Variants in SDHA observed in about 807,000 individuals in gnomAD.
The protein encoded by SDHA is succinate dehydrogenase complex flavoprotein subunit A, also known as succinate dehydrogenase [ubiquinone] flavoprotein subunit, mitochondrial.
In SDHA, 48 loss-of-function variants were observed where a neutral mutation model predicts 78.4. The observed-to-expected ratio is 0.61, with a 90% CI of 0.49 to 0.78. The LOEUF is 0.78. Ranked by LOEUF, SDHA falls within the 30% of genes least tolerant of loss-of-function variation. The pLI is 0.00. For synonymous variants in SDHA, 326 were observed against 353.9 expected (o/e 0.92, Z 0.88); for missense variants, 680 against 892.7 (o/e 0.76, Z 3.04).
chr5:247,488 C>T (rs1421922238), intron 11 of SDHA, among the ~76,000 whole-genome samples: 1 of 152,244 alleles, frequency 6.6e-6, no homozygotes. Flanking sequence ...TGCCTCTGGT[C>T]TCAAACGCAG....
Position 254,486 on chromosome 5 carries a change from G to A in SDHA, c.1888G>A (p.Val630Met). ...EHWRKHTLSY[V>M]DVGTGKVTLE... ...CTGGAGGAAGCACACCCTGTCCTATGTGGACGTTGGCACTGGGAAGGTCAG... is the reference window on the plus strand; with the variant it reads ...CTGGAGGAAGCACACCCTGTCCTATATGGACGTTGGCACTGGGAAGGTCAG... Residue 630 changes from valine (V) to methionine (M), a missense_variant, in exon 14 of 15, where the codon GTG becomes ATG. Physicochemically the swap from Val to Met is conservative, Grantham distance 21. Coordinates refer to ENST00000264932, the MANE Select transcript of SDHA (RefSeq NM_004168.4). The A allele has an allele frequency of 6.4e-7, 1 of 1,573,198 alleles. No homozygotes were observed. The highest frequency in any genetic ancestry group is 8.6e-7 in the Non-Finnish European group (1 of 1,159,624).
At position 251,627 on chromosome 5, in the gene SDHA, C is replaced by T. The variant is rs541235627; in HGVS notation, c.1794+159C>T. 4.0e-5 allele frequency: 61 copies of T among 1,536,514 alleles called. No individual in the cohort carries two copies. The South Asian group carries it at 4.3e-4, about 11-fold the overall frequency. On this transcript the variant is annotated intron_variant, in intron 13 of 14. Coordinates refer to ENST00000264932, the MANE Select transcript of SDHA (RefSeq NM_004168.4). Reference sequence around the variant, plus strand: ...CTGGTAACTTTGATCCCTGGGTTCTCGCCATCTTCTGGATCACTGTGACCT... The same window carrying T: ...CTGGTAACTTTGATCCCTGGGTTCTTGCCATCTTCTGGATCACTGTGACCT...
chr5:254,621 C>T, intron 14 of SDHA, 115 bp downstream of exon 14: 1 of 1,446,738 alleles, frequency 6.9e-7, no homozygotes, highest in Non-Finnish European at 9.3e-7. Context: ...TAAATCAACT[C>T]CCGACAGATT....
chr5:243,478 G>A (rs1007032588), intron 11 of SDHA, among the ~76,000 whole-genome samples: 17 of 152,136 alleles, frequency 1.1e-4, no homozygotes, highest in African/African-American at 3.4e-4. Flanking sequence ...TTTGGGGGTC[G>A]GCAGCTGGGC....
chr5:220,463 C>T (rs1318527412), intron 1 of SDHA: 12 of 214,628 alleles, frequency 5.6e-5, no homozygotes, highest in Non-Finnish European at 1.0e-4. Flanking sequence ...TTATTTAGGC[C>T]ATTATAGTAG....
At chr5:221,622 A>G (rs946826944) in intron 1 of SDHA, among the ~76,000 whole-genome samples, 2 of 145,490 alleles carry the variant, frequency 1.4e-5, no homozygotes, top group South Asian at 4.2e-4. Context: ...CCTTTTAGTT[A>G]TATGTTCCCC....
chr5:241,661 T>A (rs980391153), intron 11 of SDHA, among the ~76,000 whole-genome samples: 3 of 152,270 alleles, frequency 2.0e-5, no homozygotes, highest in African/African-American at 7.2e-5. Context: ...TGCCTACTAT[T>A]TGCAAGAATT....
chr5:223,955 C>T (rs1386358179), intron 2 of SDHA, among the ~76,000 whole-genome samples: 2 of 151,540 alleles, frequency 1.3e-5, no homozygotes, highest in African/African-American at 4.9e-5. Context: ...TGGTGGGGCC[C>T]CTCGGGTGTG....
At chr5:258,484 C>G (rs1218405065), downstream of SDHA, among the ~76,000 whole-genome samples, 15 of 122,158 alleles carry the variant, frequency 1.2e-4, 1 homozygote, top group Admixed American at 1.2e-3. Flanking sequence ...GCTCCACCCC[C>G]TGCCAGAGCA....
rs1060503720 is a variant in SDHA, at chr5:225,425, A to G, written c.319A>G (p.Ile107Val). 3.1e-6 allele frequency: 5 copies of G among 1,612,458 alleles called. No individual in the cohort carries two copies. Among genetic ancestry groups the G allele is most frequent in the Non-Finnish European group, 4.2e-6 (5 of 1,179,842 alleles). The change falls in exon 4 of 15, where the codon ATC becomes GTC. Residue 107 changes from isoleucine to valine, a missense_variant. Physicochemically the swap from Ile to Val is conservative, Grantham distance 29. Transcript: ENST00000264932. ...GAGTGGTTGGTGTTTCCAGGGAGGA[A>G]TCAATGCTGCTCTGGGGAACATGGA... ...RSHTVAAQGG[I>V]NAALGNMEED...
At chr5:247,100 T>C (rs1449577526) in intron 11 of SDHA, among the ~76,000 whole-genome samples, 2 of 152,242 alleles carry the variant, frequency 1.3e-5, no homozygotes, top group Non-Finnish European at 2.9e-5. Flanking sequence ...ATGGTAAAGC[T>C]TCTTACTCTG....
intron 11 of SDHA, chr5:248,940 T>G: frequency 2.5e-6 from 1 of 406,682 alleles, no homozygotes; most frequent in Non-Finnish European, 4.7e-6. Context: ...TTGTAGGAGC[T>G]AAACATAAGG....
At chr5:226,606 T>G (rs1361899822) in intron 5 of SDHA, among the ~76,000 whole-genome samples, 1 of 152,062 alleles carries the variant, frequency 6.6e-6, no homozygotes, top group African/African-American at 2.4e-5. Context: ...CACTCCAGCC[T>G]GGGCAACAGG....
chr5:248,095 G>C (rs964811072), intron 11 of SDHA, among the ~76,000 whole-genome samples: 1 of 152,258 alleles, frequency 6.6e-6, no homozygotes, highest in Non-Finnish European at 1.5e-5. Flanking sequence ...AACTGGTTTG[G>C]TGGAGAGACC....
At chr5:249,729 G>T (rs539442796) in intron 11 of SDHA, 1 of 152,364 alleles carries the variant, frequency 6.6e-6, no homozygotes, top group African/African-American at 2.4e-5. Context: ...CTGTATTTCT[G>T]TGTGTGTGTC....
chr5:251,550 G>C (rs780662401), intron 13 of SDHA, 82 bp downstream of exon 13: 3 of 1,605,502 alleles, frequency 1.9e-6, no homozygotes, highest in Non-Finnish European at 2.6e-6. Flanking sequence ...CATTTTCTCT[G>C]CATTTTCTTT....
the SDHA span, among the ~76,000 whole-genome samples, chr5:266,272 G>A: frequency 5.9e-5 from 9 of 152,218 alleles, no homozygotes; most frequent in African/African-American, 9.7e-5. Flanking sequence ...GGGCGTTTGA[G>A]CAAACATTTA....
Position 256,823 on chromosome 5 carries a change from C to CTTTTTTTTTTTT in SDHA, c.*407_*408insTTTTTTTTTTTT, listed in dbSNP as rs758468864. The CTTTTTTTTTTTT allele has an allele frequency of 2.3e-5, 5 of 218,898 alleles. 2 individuals are homozygous for CTTTTTTTTTTTT. The highest frequency in any genetic ancestry group is 2.7e-5 in the African/African-American group (1 of 37,486). The allele number at this position is 218,898 out of a possible 1,614,324, so 13.6% of individuals were successfully genotyped here. On this transcript the variant is annotated 3_prime_UTR_variant, in exon 15 of 15. Transcript: ENST00000264932. The stretch of plus-strand genomic sequence containing the variant: ...TTTGTATAGTTTCTTTTTTCTTTTT[C>CTTTTTTTTTTTT]TTTTCTTTTTTTTTTTTGAGACAGG...
chr5:242,672 G>T (rs1252668361), intron 11 of SDHA, among the ~76,000 whole-genome samples: 4 of 152,082 alleles, frequency 2.6e-5, no homozygotes, highest in Non-Finnish European at 5.9e-5. Context: ...CATATATGGG[G>T]GCTCGAATCT....
Sources: gnomAD v4.1 joint callset for allele counts (sites outside exome capture counted in the v4.1 genomes callset) on GRCh38, gnomAD v4.1.1 for gene constraint, MANE v1.5 for transcripts, NCBI Gene and HGNC (gene_info 2026-07-23, HGNC 2026-07-21) for gene names.